The following CELSR1 variants were observed in gnomAD, a reference collection of about 807,000 sequenced individuals.
CELSR1 encodes the protein adhesion G protein-coupled receptor C1.
A neutral mutation model predicts 249.1 loss-of-function variants in CELSR1; 110 were observed. That is an observed-to-expected ratio of 0.44 (90% CI 0.38 to 0.52). CELSR1 has a LOEUF of 0.52. Ranked by LOEUF, CELSR1 falls within the 20% of genes least tolerant of loss-of-function variation. The pLI is 0.00. For synonymous variants in CELSR1, 2,113 were observed against 1,900.0 expected (o/e 1.11, Z -2.92); for missense variants, 4,109 against 4,296.4 (o/e 0.96, Z 1.22).
chr22:46,511,526 G>A (rs189243790), intron 1 of CELSR1, among the ~76,000 whole-genome samples: 20 of 152,318 alleles, frequency 1.3e-4, no homozygotes, highest in Non-Finnish European at 2.2e-4. Flanking sequence ...GCACGCTGTC[G>A]TTCATTCCTT....
At position 46,364,058 on chromosome 22, in the gene CELSR1, G is replaced by A. The variant is rs1219049614; in HGVS notation, c.8973C>T (p.His2991=). The A allele has an allele frequency of 2.5e-6, 4 of 1,612,226 alleles. No homozygotes were observed. The South Asian group carries it at 3.3e-5, about 13-fold the overall frequency. ...KSPGREPGRD[H]LNGVAMNVRT... ...GCACATTCATGGCCACCCCGTTGAG[G>A]TGGTCACGCCCCGGCTCCCTCCCAG... The change falls in exon 34 of 35, where the codon CAC becomes CAT. Residue 2991 remains histidine, a synonymous_variant. Transcript: ENST00000674500.
chr22:46,363,111 G>T lies in CELSR1; in HGVS notation c.*112C>A. ...ACTCTGGGCCCACTCCACTTCAAGG[G>T]CAGTGGCCCCTTGGGCTCCAAGGTC... On this transcript the variant is annotated 3_prime_UTR_variant, in exon 35 of 35. Transcript: ENST00000674500. This position sits in a 1 kb window ranked among gnomAD's most constrained non-coding sequence, Gnocchi z 4.3. 6.2e-7 allele frequency: 1 copy of T among 1,611,238 alleles called. No homozygotes were observed. Among genetic ancestry groups the T allele is most frequent in the Non-Finnish European group, 8.5e-7 (1 of 1,178,112 alleles).
intron 1 of CELSR1, among the ~76,000 whole-genome samples, chr22:46,487,862 G>C (rs962806454): frequency 6.9e-6 from 1 of 145,150 alleles, no homozygotes; most frequent in Non-Finnish European, 1.5e-5. Context: ...GGTGCTACTG[G>C]GGGTTGCGGG....
At chr22:46,492,262 A>G (rs2080374622) in intron 1 of CELSR1, among the ~76,000 whole-genome samples, 1 of 152,182 alleles carries the variant, frequency 6.6e-6, no homozygotes. Context: ...TCAAAACACA[A>G]GTTCCACTTC....
rs373653176 is a variant in CELSR1 at position 46,372,869 on chromosome 22, C to A, written c.7759+14G>T. 11 of 1,593,918 alleles carry A rather than the reference C, an allele frequency of 6.9e-6. No homozygotes were observed. Among genetic ancestry groups the A allele is most frequent in the African/African-American group, 6.7e-5 (5 of 74,710 alleles). ...ATCTGTGGTTTTATGCAGGGCCACT[C>A]TGTGCATCCTCACCTGTGACAATGG... On this transcript the variant is annotated intron_variant, in intron 25 of 34. Transcript: ENST00000674500.
rs1295534515 is a variant in CELSR1, at chr22:46,446,448, C to T, written c.4184-7037G>A. Among the ~76,000 whole-genome samples, 7 of 152,276 alleles carry T rather than the reference C, an allele frequency of 4.6e-5. No individual in the cohort carries two copies. The highest frequency in any genetic ancestry group is 2.1e-4 in the South Asian group (1 of 4,826). ...AGCTCCACATCCAGCCCTGCTTGTGCGATGGTTCCCCCGTGTGTTTCTCTC... is the reference window on the plus strand; with the variant it reads ...AGCTCCACATCCAGCCCTGCTTGTGTGATGGTTCCCCCGTGTGTTTCTCTC... On this transcript the variant is annotated intron_variant, in intron 2 of 34. Transcript: ENST00000674500. The surrounding 1 kb of genome is among the most constrained non-coding windows in gnomAD (Gnocchi z 5.5).
intron 5 of CELSR1, among the ~76,000 whole-genome samples, chr22:46,425,681 T>C (rs1239893494): frequency 6.9e-6 from 1 of 145,924 alleles, no homozygotes; most frequent in Non-Finnish European, 1.5e-5. Flanking sequence ...ACGCTAGAAG[T>C]TTTCCCCCGC....
At chr22:46,456,364 G>C (rs1019655309) in intron 2 of CELSR1, among the ~76,000 whole-genome samples, 1 of 152,142 alleles carries the variant, frequency 6.6e-6, no homozygotes. Flanking sequence ...ACTCTGATAA[G>C]AGAACCCAAA....
chr22:46,491,116 T>C (rs910616997), intron 1 of CELSR1, among the ~76,000 whole-genome samples: 1 of 151,780 alleles, frequency 6.6e-6, no homozygotes, highest in Non-Finnish European at 1.5e-5. Flanking sequence ...CAGAGCAGCA[T>C]CCCCCACCTC....
chr22:46,415,177 T>A (rs1331383570), intron 5 of CELSR1, among the ~76,000 whole-genome samples: 2 of 152,120 alleles, frequency 1.3e-5, no homozygotes, highest in Non-Finnish European at 2.9e-5. Context: ...TGAGATGGAA[T>A]CTCGCTCTGT....
intron 1 of CELSR1, among the ~76,000 whole-genome samples, chr22:46,466,442 C>T (rs984687082): frequency 1.3e-5 from 2 of 152,224 alleles, no homozygotes; most frequent in Non-Finnish European, 2.9e-5. Flanking sequence ...CTAGAGAGGG[C>T]ACATCGGGAA....
At chr22:46,394,399 G>T in intron 13 of CELSR1, 137 bp from the exon 14 acceptor site, 1 of 983,912 alleles carries the variant, frequency 1.0e-6, no homozygotes, top group Non-Finnish European at 1.5e-6. Flanking sequence ...CCCCTTCCAC[G>T]TTACATGGCC....
rs2079917317 is a variant in CELSR1 at position 46,454,063 on chromosome 22, C to A, written c.4183+9644G>T. ...GTCATCCTGCATTACTGTGTGGCCCCAAAGTCATCACAAGGCTCCTTGTAA... is the reference window on the plus strand; with the variant it reads ...GTCATCCTGCATTACTGTGTGGCCCAAAAGTCATCACAAGGCTCCTTGTAA... On this transcript the variant is annotated intron_variant, in intron 2 of 34. Coordinates refer to ENST00000674500, the MANE Select transcript of CELSR1 (RefSeq NM_001378328.1). The surrounding 1 kb of genome is among the most constrained non-coding windows in gnomAD (Gnocchi z 5.1). 6.6e-6 allele frequency among the ~76,000 whole-genome samples: 1 copy of A among 152,178 alleles called. No individual in the cohort carries two copies. Among genetic ancestry groups the A allele is most frequent in the Admixed American group, 6.5e-5 (1 of 15,274 alleles).
chr22:46,465,140 G>A (rs2080082412), intron 1 of CELSR1, among the ~76,000 whole-genome samples: 1 of 152,200 alleles, frequency 6.6e-6, no homozygotes, highest in African/African-American at 2.4e-5. Context: ...TCAGGGGGTG[G>A]GTCATGGGTA....
intron 5 of CELSR1, among the ~76,000 whole-genome samples, chr22:46,414,427 G>A (rs1372850752): frequency 6.6e-6 from 1 of 152,262 alleles, no homozygotes; most frequent in African/African-American, 2.4e-5. Flanking sequence ...AGAAATCACA[G>A]CATCCCGATG....
At position 46,536,442 on chromosome 22, in the gene CELSR1, C is replaced by A. The variant is rs200178128; in HGVS notation, c.729G>T (p.Leu243=). Residue 243 remains leucine (L), a synonymous_variant, in exon 1 of 35, where the codon CTG becomes CTT. Transcript: ENST00000674500. ...CCTGGTAGTTGGGCATCGGAAACTT[C>A]AGGCTCCCTCTGCCGCTCGTGCCCC... ...ARRGTSGRGS[L]KFPMPNYQVA... The A allele has an allele frequency of 1.7e-5, 28 of 1,611,902 alleles. No homozygotes were observed. In the Middle Eastern group the frequency reaches 6.6e-4, roughly 38 times the overall value.
At chr22:46,400,820 T>G (rs2079203447) in intron 9 of CELSR1, among the ~76,000 whole-genome samples, 1 of 151,906 alleles carries the variant, frequency 6.6e-6, no homozygotes, top group Non-Finnish European at 1.5e-5. Context: ...GGCATGGTGG[T>G]GTGCTCCTGT....
rs755924258 is a variant in CELSR1, at chr22:46,410,022, G to A, written c.4934-142C>T. ...ACCAGGTCTGAACGCCCCTGGCAAC[G>A]GCAGGAACATGGGAACTAAGAAGGT... On this transcript the variant is annotated intron_variant, in intron 7 of 34. Coordinates refer to ENST00000674500, the MANE Select transcript of CELSR1 (RefSeq NM_001378328.1). This position sits in a 1 kb window ranked among gnomAD's most constrained non-coding sequence, Gnocchi z 6.8. 25 of 1,052,500 alleles carry A rather than the reference G, an allele frequency of 2.4e-5. No homozygotes were observed. Among genetic ancestry groups the A allele is most frequent in the African/African-American group, 6.4e-5 (4 of 62,884 alleles). 65.2% of individuals were successfully genotyped at this position (1,052,500 alleles called of 1,614,324 possible).
At chr22:46,449,027 C>T (rs1817144447) in intron 2 of CELSR1, among the ~76,000 whole-genome samples, 1 of 152,044 alleles carries the variant, frequency 6.6e-6, no homozygotes, top group Non-Finnish European at 1.5e-5. Context: ...TCCATCCTTC[C>T]ATATACCCAC....
Sources: allele counts gnomAD v4.1 joint callset (sites outside exome capture counted in the v4.1 genomes callset), GRCh38; gene constraint gnomAD v4.1.1; non-coding constraint Gnocchi (gnomAD v3.1); transcripts MANE v1.5; gene names NCBI Gene and HGNC (gene_info 2026-07-23, HGNC 2026-07-21).